Variants in GRIK2 observed in about 807,000 individuals in gnomAD.
GRIK2 encodes the protein glutamate receptor ionotropic, kainate 2.
A neutral mutation model predicts 100.3 loss-of-function variants in GRIK2; 32 were observed. The ratio of observed to expected loss-of-function variants is 0.32; its 90% confidence interval spans 0.24 to 0.43. The LOEUF is 0.43. GRIK2 is among the 20% of genes least tolerant of loss of function. GRIK2 has a pLI of 1.00. For missense variants in GRIK2, 843 were observed against 1,114.9 expected, an observed-to-expected ratio of 0.76 and a Z score of 3.47; for synonymous variants, 417 against 389.4, an observed-to-expected ratio of 1.07 and a Z score of -0.83.
intron 4 of GRIK2, among the ~76,000 whole-genome samples, chr6:101,669,471 AAG>A (rs1770270604): frequency 6.6e-6 from 1 of 152,130 alleles, no homozygotes; most frequent in Admixed American, 6.6e-5. Flanking sequence ...TTTTTCCTAA[AAG>A]AGAAAAACCT....
intron 14 of GRIK2, among the ~76,000 whole-genome samples, chr6:101,970,234 G>A (rs979363834): frequency 1.3e-5 from 2 of 151,254 alleles, no homozygotes; most frequent in Non-Finnish European, 2.9e-5. Flanking sequence ...GGATTTTTGG[G>A]GCAAAAATGT....
intron 7 of GRIK2, among the ~76,000 whole-genome samples, chr6:101,756,269 G>T (rs973821400): frequency 6.7e-6 from 1 of 148,572 alleles, no homozygotes; most frequent in African/African-American, 2.5e-5. Context: ...GAACAAAAGG[G>T]AGTAATAAGA....
In GRIK2 at chr6:101,533,307, C is replaced by T. The variant is rs1023364480; in HGVS notation, c.116-88642C>T. Among the ~76,000 whole-genome samples, 3 of 151,438 alleles carry T rather than the reference C, an allele frequency of 2.0e-5. No individual in the cohort carries two copies. In the South Asian group the frequency reaches 6.2e-4, roughly 31 times the overall value. On this transcript the variant is annotated intron_variant, in intron 2 of 16. Transcript: ENST00000369134. ...CTGACTACAAGAAGTGAGAAAGTCT[C>T]CAAGAAGTGCAATTAAGAAGGGGTA... is the stretch of plus-strand genomic sequence containing the variant.
chr6:102,063,830 C>T (rs1047024591), intron 16 of GRIK2: 1 of 509,562 alleles, frequency 2.0e-6, no homozygotes, highest in Non-Finnish European at 3.5e-6. Flanking sequence ...TCCAGATCTA[C>T]ATTGTTTCAA....
chr6:101,621,798 CTCTCTCTCTCTCTT>C (rs1389190418), intron 2 of GRIK2, 137 bp from the exon 3 acceptor site: 11 of 397,348 alleles, frequency 2.8e-5, no homozygotes, highest in Non-Finnish European at 4.6e-5. Context: ...AAATCTCTCC[CTCTCTCTCTCTCTT>C]TCTCTCTCTC....
At chr6:101,492,103 CTTA>C (rs1213119691) in intron 2 of GRIK2, among the ~76,000 whole-genome samples, 5 of 151,784 alleles carry the variant, frequency 3.3e-5, no homozygotes, top group Non-Finnish European at 7.4e-5. Flanking sequence ...AATAAATGTA[CTTA>C]TTATTGCTTT....
intron 2 of GRIK2, among the ~76,000 whole-genome samples, chr6:101,513,271 CAAT>C (rs1304000712): frequency 6.6e-6 from 1 of 152,078 alleles, no homozygotes; most frequent in African/African-American, 2.4e-5. Context: ...TTCTGTTTGA[CAAT>C]TGGTTGAGTT....
chr6:101,752,326 G>A (rs1027547412), intron 7 of GRIK2, among the ~76,000 whole-genome samples: 6 of 151,966 alleles, frequency 3.9e-5, no homozygotes, highest in Admixed American at 6.6e-5. Flanking sequence ...GTATTAACAC[G>A]ATTTTCCAGA....
chr6:101,423,575 A>G (rs1436163886), intron 2 of GRIK2, among the ~76,000 whole-genome samples: 1 of 152,126 alleles, frequency 6.6e-6, no homozygotes. Flanking sequence ...TTCATTTACC[A>G]GTTGGCCATT....
At position 101,873,398 on chromosome 6, in the gene GRIK2, A is replaced by C. The variant is rs1785567032; in HGVS notation, c.1524+13905A>C. 2.6e-5 allele frequency among the ~76,000 whole-genome samples: 4 copies of C among 151,918 alleles called. No homozygotes were observed. In the South Asian group the frequency reaches 8.3e-4, roughly 32 times the overall value. ...GCTGAGAATGATGGTTTCCAGCTTC[A>C]TCCATGTCCCTACAAAGGACATGAA... On this transcript the variant is annotated intron_variant, in intron 11 of 16. Coordinates refer to ENST00000369134, the MANE Select transcript of GRIK2 (RefSeq NM_021956.5).
chr6:101,697,359 GT>G (rs1772566165), intron 7 of GRIK2, among the ~76,000 whole-genome samples: 1 of 151,062 alleles, frequency 6.6e-6, no homozygotes, highest in African/African-American at 2.4e-5. Flanking sequence ...GTGTGTGTGT[GT>G]GTGTGTGTGT....
intron 15 of GRIK2, among the ~76,000 whole-genome samples, chr6:102,038,396 G>T (rs1298962821): frequency 6.6e-6 from 1 of 151,190 alleles, no homozygotes; most frequent in African/African-American, 2.4e-5. Flanking sequence ...ATTTTCTCCG[G>T]GTTTGCATCG....
chr6:101,624,990 G>A (rs759762378), intron 3 of GRIK2, among the ~76,000 whole-genome samples: 12 of 151,996 alleles, frequency 7.9e-5, no homozygotes, highest in African/African-American at 1.2e-4. Flanking sequence ...GGCAGGTCTC[G>A]AATTCCTCGT....
At chr6:101,993,402 T>C (rs1328020847) in intron 14 of GRIK2, 2 of 151,508 alleles carry the variant, frequency 1.3e-5, no homozygotes, top group Non-Finnish European at 3.0e-5. Context: ...TATTTTTCTC[T>C]GGATTATTTT....
chr6:101,697,640 G>T (rs764758615), intron 7 of GRIK2, among the ~76,000 whole-genome samples: 3 of 151,854 alleles, frequency 2.0e-5, no homozygotes, highest in Non-Finnish European at 4.4e-5. Context: ...TTTTTGGTTA[G>T]GTTTTTCATG....
intron 2 of GRIK2, among the ~76,000 whole-genome samples, chr6:101,507,375 C>T (rs1045801842): frequency 3.3e-5 from 5 of 151,950 alleles, no homozygotes; most frequent in South Asian, 2.1e-4. Context: ...CTTAAAAATA[C>T]CCATGATATT....
chr6:102,043,503 G>A (rs1462314951), intron 15 of GRIK2, among the ~76,000 whole-genome samples: 1 of 151,780 alleles, frequency 6.6e-6, no homozygotes, highest in Non-Finnish European at 1.5e-5. Flanking sequence ...GTGAGAATAT[G>A]TGATATCCGT....
intron 11 of GRIK2, among the ~76,000 whole-genome samples, chr6:101,862,460 T>G (rs1341185255): frequency 6.6e-6 from 1 of 152,136 alleles, no homozygotes; most frequent in African/African-American, 2.4e-5. Flanking sequence ...AGACGGAATC[T>G]TTCTGTGACT....
chr6:101,833,080 A>G (rs1164531184), intron 10 of GRIK2, among the ~76,000 whole-genome samples: 5 of 152,186 alleles, frequency 3.3e-5, no homozygotes, highest in Non-Finnish European at 7.4e-5. Context: ...ATAGAAAAAT[A>G]TCTTATTTTT....
Sources: allele counts gnomAD v4.1 joint callset (sites outside exome capture counted in the v4.1 genomes callset), GRCh38; gene constraint gnomAD v4.1.1; transcripts MANE v1.5; gene names NCBI Gene and HGNC (gene_info 2026-07-23, HGNC 2026-07-21).